The following STK31 variants were observed in gnomAD, a reference collection of about 807,000 sequenced individuals.
The protein encoded by STK31 is serine/threonine kinase 31.
A neutral mutation model predicts 129.7 loss-of-function variants in STK31; 89 were observed. That is an observed-to-expected ratio of 0.69 (90% CI 0.58 to 0.82). The LOEUF is 0.82. STK31 is among the 40% of genes least tolerant of loss of function. STK31 has a pLI of 0.00. For missense variants in STK31, 1,187 were observed against 1,176.4 expected, an observed-to-expected ratio of 1.01 and a Z score of -0.13; for synonymous variants, 448 against 395.3, an observed-to-expected ratio of 1.13 and a Z score of -1.58.
chr7:23,793,856 T>C (rs1379078708), intron 22 of STK31, among the ~76,000 whole-genome samples: 4 of 152,214 alleles, frequency 2.6e-5, no homozygotes, highest in Non-Finnish European at 5.9e-5. Context: ...TCCTACCCTA[T>C]GACCCAGCAA....
chr7:23,759,121 C>T (rs1584397436), intron 10 of STK31, among the ~76,000 whole-genome samples: 1 of 152,158 alleles, frequency 6.6e-6, no homozygotes, highest in African/African-American at 2.4e-5. Flanking sequence ...AAGGAGCACC[C>T]AGATTCATAA....
chr7:23,832,500 G>T lies in STK31; in HGVS notation c.*134G>T. 1 of 677,004 alleles carries T rather than the reference G, an allele frequency of 1.5e-6. No homozygotes were observed. The highest frequency in any genetic ancestry group is 2.6e-5 in the East Asian group (1 of 37,820). 41.9% of individuals were successfully genotyped at this position (677,004 alleles called of 1,614,324 possible). A position where few individuals can be genotyped will look rare whatever the true frequency, so the allele number is the denominator to read the frequency against. On this transcript the variant is annotated 3_prime_UTR_variant, in exon 24 of 24. Transcript: ENST00000355870. ...CAGGTTGTGAAAAATAAAGATGTTT[G>T]GCTATGCACAAAATAGTTTGTATGC...
chr7:23,782,004 T>C (rs1180009263), intron 16 of STK31, among the ~76,000 whole-genome samples: 1 of 152,214 alleles, frequency 6.6e-6, no homozygotes, highest in Non-Finnish European at 1.5e-5. Flanking sequence ...AAAATAAGTC[T>C]ACCTGGTTTT....
chr7:23,811,872 AC>A (rs1256648313), intron 22 of STK31, among the ~76,000 whole-genome samples: 1 of 152,120 alleles, frequency 6.6e-6, no homozygotes, highest in Non-Finnish European at 1.5e-5. Flanking sequence ...AAGTATAGAA[AC>A]CTCACTTCCT....
At chr7:23,774,437 C>T (rs540299567) in intron 15 of STK31, among the ~76,000 whole-genome samples, 3 of 152,074 alleles carry the variant, frequency 2.0e-5, no homozygotes, top group African/African-American at 7.2e-5. Flanking sequence ...ATCCTCCCCA[C>T]TGTCTGTTGT....
intron 3 of STK31, among the ~76,000 whole-genome samples, chr7:23,716,981 A>G (rs1444534724): frequency 2.7e-5 from 4 of 149,866 alleles, no homozygotes; most frequent in Non-Finnish European, 5.9e-5. Flanking sequence ...TTATTTTTGT[A>G]GAGACAGGAT....
Position 23,815,153 on chromosome 7 carries a change from CA to C in STK31, c.2774del (p.Asn925IlefsTer6). On this transcript the variant is annotated frameshift_variant, in exon 23 of 24. Transcript: ENST00000355870. LOFTEE classifies it high-confidence loss of function. ...TTACTTTCTTTCACAGCTTTCTGTT[CA>C]AAATCAGGAGTTTGAGATAAATAAA... ...YGCLLLWLSV[Q>X]NQEFEINKDG... 1 of 1,600,620 alleles carries C rather than the reference CA, an allele frequency of 6.2e-7. No homozygotes were observed. Among genetic ancestry groups the C allele is most frequent in the South Asian group, 1.1e-5 (1 of 88,774 alleles).
At chr7:23,712,308 ATCCCCCCTCACC>A (rs1177267866) in intron 3 of STK31, 22 bp downstream of exon 3, 4 of 1,606,586 alleles carry the variant, frequency 2.5e-6, no homozygotes, top group African/African-American at 2.7e-5. Flanking sequence ...ACTGGTTGAT[ATCCCCCCTCACC>A]TCCCCCAATC....
At chr7:23,744,121 A>G (rs545644260) in intron 8 of STK31, among the ~76,000 whole-genome samples, 15 of 151,726 alleles carry the variant, frequency 9.9e-5, no homozygotes, top group Non-Finnish European at 1.6e-4. Context: ...AGGTCTTGTT[A>G]TGTTGACCAG....
chr7:23,804,905 C>T lies in STK31; in HGVS notation c.2761-10239C>T, dbSNP rs187374560. Among the ~76,000 whole-genome samples, 579 of 152,270 alleles carry T rather than the reference C, an allele frequency of 3.8e-3. 4 individuals carry two copies. The highest frequency in any genetic ancestry group is 0.02 in the Middle Eastern group (6 of 294). On this transcript the variant is annotated intron_variant, in intron 22 of 23. Transcript: ENST00000355870. ...TTTCTTCCAGTTTATCAGCAGCCTT[C>T]TAGCTTTTTTCTTTATTTACTCATT...
At chr7:23,791,270 C>T (rs1428006752) in intron 22 of STK31, 2 of 985,038 alleles carry the variant, frequency 2.0e-6, no homozygotes, top group African/African-American at 3.5e-5. Flanking sequence ...GGGTATATTC[C>T]TGCTTCCAGT....
In STK31 at chr7:23,763,695, T is replaced by TC. The variant is rs1491563487; in HGVS notation, c.1416+772_1416+773insC. On this transcript the variant is annotated intron_variant, in intron 11 of 23. Transcript: ENST00000355870. Reference sequence around the variant, plus strand: ...TCTCTGATAACTCTGCTGATCTCTCTTTTAGTTCTCATTTGTCTGTTGATA... The same window carrying TC: ...TCTCTGATAACTCTGCTGATCTCTCTCTTTAGTTCTCATTTGTCTGTTGATA... Among the ~76,000 whole-genome samples, 636 of 152,292 alleles carry TC rather than the reference T, an allele frequency of 4.2e-3. 7 individuals carry two copies. The highest frequency in any genetic ancestry group is 0.015 in the African/African-American group (616 of 41,570).
At chr7:23,721,608 A>C (rs1786703138) in intron 4 of STK31, 2 of 942,970 alleles carry the variant, frequency 2.1e-6, no homozygotes, top group Admixed American at 3.4e-5. Context: ...TCATTTATGA[A>C]ATTTCTAAGT....
chr7:23,712,172 G>A, intron 2 of STK31, 27 bp downstream of exon 2: 1 of 1,613,736 alleles, frequency 6.2e-7, no homozygotes, highest in Non-Finnish European at 8.5e-7. Flanking sequence ...TTATTTTGGG[G>A]TGTAAGAGCT....
At chr7:23,767,069 G>A (rs181241957) in intron 11 of STK31, among the ~76,000 whole-genome samples, 1 of 152,008 alleles carries the variant, frequency 6.6e-6, no homozygotes, top group East Asian at 1.9e-4. Context: ...TCTTCAGTTG[G>A]TTATTTTTTA....
intron 22 of STK31, among the ~76,000 whole-genome samples, chr7:23,794,569 G>C (rs560796088): frequency 1.3e-5 from 2 of 152,274 alleles, no homozygotes; most frequent in South Asian, 4.1e-4. Flanking sequence ...CATGGGCAGA[G>C]GTTGGAGGGC....
chr7:23,726,251 G>T (rs957015427), intron 4 of STK31: 1 of 151,970 alleles, frequency 6.6e-6, no homozygotes, highest in Non-Finnish European at 1.5e-5. Context: ...CTGGCATCTA[G>T]TGTCTAGAGG....
Position 23,788,138 on chromosome 7 carries a change from T to A in STK31, c.2637+9T>A. The A allele has an allele frequency of 6.2e-7, 1 of 1,604,792 alleles. No individual in the cohort carries two copies. The highest frequency in any genetic ancestry group is 1.7e-4 in the Middle Eastern group (1 of 5,984). On this transcript the variant is annotated intron_variant, in intron 21 of 23. Coordinates refer to ENST00000355870, the MANE Select transcript of STK31 (RefSeq NM_031414.5). Reference sequence around the variant, plus strand: ...ACTTCACCAAATCTGTGGTAAGATATCATGGTTTTACAAATAGGTTCTAGA... The same window carrying A: ...ACTTCACCAAATCTGTGGTAAGATAACATGGTTTTACAAATAGGTTCTAGA...
At chr7:23,729,994 A>T (rs1787306329) in intron 6 of STK31, among the ~76,000 whole-genome samples, 1 of 152,144 alleles carries the variant, frequency 6.6e-6, no homozygotes, top group Admixed American at 6.5e-5. Context: ...ATACTGTTTG[A>T]TGTAATAATT....
Sources: gnomAD v4.1 joint callset for allele counts (sites outside exome capture counted in the v4.1 genomes callset) on GRCh38, gnomAD v4.1.1 for gene constraint, MANE v1.5 for transcripts, NCBI Gene and HGNC (gene_info 2026-07-23, HGNC 2026-07-21) for gene names.